GTF2F1: variants seen among roughly 807,000 people sequenced by gnomAD.
The protein encoded by GTF2F1 is general transcription factor IIF 74 kDa subunit.
In GTF2F1, 39 loss-of-function variants were observed where a neutral mutation model predicts 63.5. The observed-to-expected ratio is 0.61, with a 90% CI of 0.48 to 0.80. The LOEUF is 0.80. Among genes scored for constraint, GTF2F1 ranks in the 30% least tolerant of loss-of-function variants. The probability of loss-of-function intolerance (pLI) is 0.00; values close to 1 mark genes in which losing one functional copy is unlikely to be tolerated. For missense variants in GTF2F1, 657 were observed against 718.3 expected (o/e 0.91, Z 0.97); for synonymous variants, 287 against 285.3 (o/e 1.01, Z -0.06).
Position 6,392,915 on chromosome 19 carries a change from G to C in GTF2F1, c.13-12C>G, listed in dbSNP as rs759321908. 4 of 1,614,188 alleles carry C rather than the reference G, an allele frequency of 2.5e-6. No individual in the cohort carries two copies. Among genetic ancestry groups the C allele is most frequent in the Non-Finnish European group, 3.4e-6 (4 of 1,180,030 alleles). The stretch of plus-strand genomic sequence containing the variant: ...TGGCTGCTAGGGCCCTGCGGAAAGA[G>C]GAAGCGGTGAGTGAGGGGTCGCCGA... On this transcript the variant is annotated splice_polypyrimidine_tract_variant and intron_variant, in intron 1 of 12. Transcript: ENST00000394456.
rs953817165 is a variant in GTF2F1 at position 6,388,344 on chromosome 19, C to T, written c.327-785G>A. Among the ~76,000 whole-genome samples the T allele has an allele frequency of 7.2e-5, 11 of 152,296 alleles. No individual in the cohort carries two copies. The South Asian group carries it at 1.0e-3, about 14-fold the overall frequency. On this transcript the variant is annotated intron_variant, in intron 4 of 12. Coordinates refer to ENST00000394456, the MANE Select transcript of GTF2F1 (RefSeq NM_002096.3). ...CTCATTCTTTTCTACCCCAAAGTTC[C>T]GGACAGTCTGGGTGAGTGCCTCTTC... is the stretch of plus-strand genomic sequence containing the variant.
At chr19:6,386,272 T>C (rs2091973541) in intron 5 of GTF2F1, among the ~76,000 whole-genome samples, 2 of 149,386 alleles carry the variant, frequency 1.3e-5, no homozygotes, top group African/African-American at 4.9e-5. Flanking sequence ...TAATCCCATT[T>C]CTCTACTTGG....
intron 4 of GTF2F1, 41 bp from the exon 5 acceptor site, chr19:6,387,600 G>A (rs556998740): frequency 6.6e-7 from 1 of 1,523,118 alleles, no homozygotes; most frequent in African/African-American, 1.3e-5. Flanking sequence ...ATAGGGACCA[G>A]CCCCAGCCCC....
chr19:6,391,439 G>GTTTTTTTTTTTTT (rs11340944), intron 3 of GTF2F1, among the ~76,000 whole-genome samples: 5 of 87,418 alleles, frequency 5.7e-5, no homozygotes, highest in Admixed American at 3.0e-4. Context: ...TGCCATTTCC[G>GTTTTTTTTTTTTT]TTTTTTTTTT....
In GTF2F1 at chr19:6,387,521, G is replaced by A. The variant is rs754673244; in HGVS notation, c.365C>T (p.Thr122Met). The A allele has an allele frequency of 6.8e-6, 11 of 1,614,178 alleles. No homozygotes were observed. The highest frequency in any genetic ancestry group is 1.3e-5 in the African/African-American group (1 of 75,068). Residue 122 changes from threonine (T) to methionine (M), a missense_variant, in exon 5 of 13, where the codon ACG becomes ATG. By Grantham distance (81) the Thr-to-Met change is moderately conservative (BLOSUM62 -1). Coordinates refer to ENST00000394456, the MANE Select transcript of GTF2F1 (RefSeq NM_002096.3). Reference sequence around the variant, plus strand: ...GCACTGGGTGAAGATGTAGTAGGACGTGTTCTCTGTTACGCCTCCCTTCTT... The same window carrying A: ...GCACTGGGTGAAGATGTAGTAGGACATGTTCTCTGTTACGCCTCCCTTCTT... ...GIKKGGVTEN[T>M]SYYIFTQCPD...
chr19:6,380,605 C>A lies in GTF2F1; in HGVS notation c.1317G>T (p.Gln439His). 1 of 1,614,012 alleles carries A rather than the reference C, an allele frequency of 6.2e-7. No homozygotes were observed. Among genetic ancestry groups the A allele is most frequent in the Non-Finnish European group, 8.5e-7 (1 of 1,180,004 alleles). Residue 439 changes from glutamine (Q) to histidine (H), a missense_variant, in exon 12 of 13, where the codon CAG (glutamine) becomes CAT (histidine). Gln to His is a conservative substitution (Grantham distance 24). Transcript: ENST00000394456. The surrounding 1 kb of genome is among the most constrained non-coding windows in gnomAD (Gnocchi z 5.3). Reference protein sequence around the residue: ...PQSLSGKSTPQPPSGKTTPNS... With the variant: ...PQSLSGKSTPHPPSGKTTPNS... ...TGGGTGTTGTCTTGCCTGATGGTGG[C>A]TGGGGTGTCGACTTCCCAGACAGGC...
chr19:6,392,054 A>G (rs2092001073), intron 2 of GTF2F1, 80 bp from the exon 3 acceptor site: 8 of 753,608 alleles, frequency 1.1e-5, no homozygotes, highest in South Asian at 7.8e-5. Flanking sequence ...CTATTGAACC[A>G]TTAATTCAAT....
At chr19:6,392,693 T>C (rs1320230230) in intron 2 of GTF2F1, among the ~76,000 whole-genome samples, 164 bp downstream of exon 2, 1 of 152,198 alleles carries the variant, frequency 6.6e-6, no homozygotes, top group Non-Finnish European at 1.5e-5. Flanking sequence ...AAAAGCAGTG[T>C]TGTCCCCAGA....
chr19:6,381,007 C>G lies in GTF2F1; in HGVS notation c.1128G>C (p.Pro376=), dbSNP rs773356588. ...KKTPPKRERK[P]SGGSSRGNSR... ...TGTTGCCCCTTGAGCTCCCTCCCGA[C>G]GGCTTCCGCTCTCTCTTGGGTGGCG... The change falls in exon 11 of 13, where the codon CCG becomes CCC. Residue 376 remains proline (P), a synonymous_variant. Transcript: ENST00000394456. This position sits in a 1 kb window ranked among gnomAD's most constrained non-coding sequence, Gnocchi z 4.1. 44 of 1,610,686 alleles carry G rather than the reference C, an allele frequency of 2.7e-5. No homozygotes were observed. Among genetic ancestry groups the G allele is most frequent in the Non-Finnish European group, 3.6e-5 (42 of 1,178,706 alleles).
intron 2 of GTF2F1, 90 bp from the exon 3 acceptor site, chr19:6,392,064 T>G (rs1218963952): frequency 2.8e-6 from 2 of 716,054 alleles, no homozygotes; most frequent in African/African-American, 3.5e-5. Flanking sequence ...ATTAATTCAA[T>G]CAACCACCCA....
Position 6,381,567 on chromosome 19 carries a change from C to T in GTF2F1, c.885G>A (p.Glu295=). 2.5e-6 allele frequency: 4 copies of T among 1,613,514 alleles called. No homozygotes were observed. The highest frequency in any genetic ancestry group is 2.5e-6 in the Non-Finnish European group (3 of 1,180,018). ...PESKAKAPQQ[E]EGPKGVDEQS... is the part of the protein sequence containing the mutation. Reference sequence around the variant, plus strand: ...GCCATCGCCTACCCTTGGGCCCCTCCTCCTGCTGCGGCGCCTTGGCCTTGC... The same window carrying T: ...GCCATCGCCTACCCTTGGGCCCCTCTTCCTGCTGCGGCGCCTTGGCCTTGC... Residue 295 remains glutamate (E), a synonymous_variant, in exon 8 of 13, where the codon GAG becomes GAA. Transcript: ENST00000394456. This position sits in a 1 kb window ranked among gnomAD's most constrained non-coding sequence, Gnocchi z 4.1.
chr19:6,386,044 C>T (rs2091972665), intron 5 of GTF2F1, among the ~76,000 whole-genome samples: 1 of 151,952 alleles, frequency 6.6e-6, no homozygotes, highest in African/African-American at 2.4e-5. Context: ...CCACTGCACT[C>T]CAGCCTGGGT....
chr19:6,387,366 C>A (rs758137964), intron 5 of GTF2F1, 23 bp downstream of exon 5: 2 of 1,610,340 alleles, frequency 1.2e-6, no homozygotes, highest in African/African-American at 2.7e-5. Context: ...CTTCTGTCCC[C>A]AGCCACCACC....
At chr19:6,387,622 C>T in intron 4 of GTF2F1, 63 bp from the exon 5 acceptor site, 5 of 1,216,320 alleles carry the variant, frequency 4.1e-6, no homozygotes, top group East Asian at 2.3e-5. Context: ...CCGTGTCCCC[C>T]CGGGGCCTGC....
rs779681975 is a variant in GTF2F1 at position 6,381,051 on chromosome 19, G to A, written c.1093-9C>T. The A allele has an allele frequency of 1.2e-6, 2 of 1,611,162 alleles. No homozygotes were observed. The highest frequency in any genetic ancestry group is 3.4e-5 in the Admixed American group (2 of 59,604). The stretch of plus-strand genomic sequence containing the variant: ...GGTGGCGTCTTCTTCTTCTGCAGAG[G>A]TCAGGGTTGGGAGGTGGGTGAGTCT... On this transcript the variant is annotated splice_polypyrimidine_tract_variant and intron_variant, in intron 10 of 12. Coordinates refer to ENST00000394456, the MANE Select transcript of GTF2F1 (RefSeq NM_002096.3). This position sits in a 1 kb window ranked among gnomAD's most constrained non-coding sequence, Gnocchi z 4.1.
chr19:6,389,672 C>T, intron 3 of GTF2F1, 35 bp from the exon 4 acceptor site: 2 of 1,597,230 alleles, frequency 1.3e-6, no homozygotes, highest in Non-Finnish European at 1.7e-6. Context: ...CTCAGGGTCC[C>T]TGGCTTTGCT....
At chr19:6,386,085 A>G (rs1477528738) in intron 5 of GTF2F1, among the ~76,000 whole-genome samples, 4 of 148,866 alleles carry the variant, frequency 2.7e-5, no homozygotes, top group African/African-American at 9.9e-5. Context: ...CAAAAAAACA[A>G]AACAACAAAA....
Position 6,381,569 on chromosome 19 carries a change from C to A in GTF2F1, c.883G>T (p.Glu295Ter), listed in dbSNP as rs1568329138. 1 of 1,613,586 alleles carries A rather than the reference C, an allele frequency of 6.2e-7. No homozygotes were observed. The highest frequency in any genetic ancestry group is 1.1e-5 in the South Asian group (1 of 91,088). The stretch of plus-strand genomic sequence containing the variant: ...CATCGCCTACCCTTGGGCCCCTCCT[C>A]CTGCTGCGGCGCCTTGGCCTTGCTC... ...PESKAKAPQQ[E>*]EGPKGVDEQS... is the part of the protein sequence containing the mutation. Residue 295 changes from glutamate (E) to a stop codon, truncating the protein, a stop_gained, in exon 8 of 13, where the codon GAG becomes TAG. Coordinates refer to ENST00000394456, the MANE Select transcript of GTF2F1 (RefSeq NM_002096.3). LOFTEE classifies it high-confidence loss of function. The surrounding 1 kb of genome is among the most constrained non-coding windows in gnomAD (Gnocchi z 4.1).
Position 6,393,031 on chromosome 19 carries a change from G to C in GTF2F1, c.-36C>G, listed in dbSNP as rs781420253. 3.7e-6 allele frequency: 6 copies of C among 1,612,724 alleles called. No individual in the cohort carries two copies. The highest frequency in any genetic ancestry group is 5.1e-6 in the Non-Finnish European group (6 of 1,179,886). On this transcript the variant is annotated 5_prime_UTR_variant, in exon 1 of 13. Coordinates refer to ENST00000394456, the MANE Select transcript of GTF2F1 (RefSeq NM_002096.3). The stretch of plus-strand genomic sequence containing the variant: ...CAGTGGTTCCGATCTGGTCCGACCC[G>C]GGTTCCTTTCGTCTCCTCTGGCGTG...
Sources: gnomAD v4.1 joint callset for allele counts (sites outside exome capture counted in the v4.1 genomes callset) on GRCh38, gnomAD v4.1.1 for gene constraint, Gnocchi (gnomAD v3.1) non-coding constraint, MANE v1.5 for transcripts, NCBI Gene and HGNC (gene_info 2026-07-23, HGNC 2026-07-21) for gene names.